PDE1C: variants seen among roughly 807,000 people sequenced by gnomAD.
PDE1C encodes the protein dual specificity calcium/calmodulin-dependent 3',5'-cyclic nucleotide phosphodiesterase 1C.
A neutral mutation model predicts 93.1 loss-of-function variants in PDE1C; 62 were observed. The observed-to-expected ratio is 0.67, with a 90% CI of 0.54 to 0.82. The LOEUF is 0.82. PDE1C is among the 40% of genes least tolerant of loss of function. The pLI is 0.00. For synonymous variants in PDE1C, 325 were observed against 310.1 expected (o/e 1.05, Z -0.50); for missense variants, 742 against 884.6 (o/e 0.84, Z 2.04).
At chr7:31,880,688 G>T in intron 3 of PDE1C, 59 bp downstream of exon 3, 1 of 978,882 alleles carries the variant, frequency 1.0e-6, no homozygotes, top group Non-Finnish European at 1.6e-6. Flanking sequence ...TTTCAGAAAA[G>T]CCATTTAAGA....
chr7:31,909,026 C>T (rs1308971709), intron 2 of PDE1C, among the ~76,000 whole-genome samples: 1 of 152,136 alleles, frequency 6.6e-6, no homozygotes, highest in Admixed American at 6.6e-5. Flanking sequence ...ATGGTCTCCC[C>T]TGCAGATTTC....
chr7:32,117,354 T>C (rs1187635396), intron 3 of PDE1C, among the ~76,000 whole-genome samples: 1 of 152,220 alleles, frequency 6.6e-6, no homozygotes, highest in East Asian at 1.9e-4. Context: ...GTTCATACGA[T>C]GATTTCACAT....
intron 3 of PDE1C, among the ~76,000 whole-genome samples, chr7:32,102,836 G>A (rs969879702): frequency 2.6e-5 from 4 of 152,150 alleles, no homozygotes; most frequent in African/African-American, 7.2e-5. Context: ...TGGGCATTTT[G>A]CACTCTGTAC....
At chr7:32,393,514 T>C (rs1467018461) in intron 1 of PDE1C, among the ~76,000 whole-genome samples, 1 of 152,206 alleles carries the variant, frequency 6.6e-6, no homozygotes, top group Non-Finnish European at 1.5e-5. Context: ...AGTTAATCTA[T>C]AAGGCTATGA....
At chr7:32,096,640 G>A (rs182894204) in intron 3 of PDE1C, among the ~76,000 whole-genome samples, 1 of 152,222 alleles carries the variant, frequency 6.6e-6, no homozygotes, top group Admixed American at 6.5e-5. Flanking sequence ...ATTAAAACAT[G>A]TCTTAAAATT....
intron 2 of PDE1C, among the ~76,000 whole-genome samples, chr7:32,015,685 C>CA (rs1207707327): frequency 6.6e-6 from 1 of 151,648 alleles, no homozygotes; most frequent in Non-Finnish European, 1.5e-5. Context: ...TTCTATACAT[C>CA]AAAAAATTCC....
chr7:31,750,667 G>C (rs2128591106), downstream of PDE1C, among the ~76,000 whole-genome samples: 1 of 152,362 alleles, frequency 6.6e-6, no homozygotes, highest in Middle Eastern at 3.4e-3. Context: ...ACAAAAGGCA[G>C]TGTCAGGATT....
intron 1 of PDE1C, among the ~76,000 whole-genome samples, chr7:32,291,369 T>C (rs182341554): frequency 6.6e-5 from 10 of 152,338 alleles, no homozygotes; most frequent in Non-Finnish European, 1.5e-4. Context: ...CTAACAAATA[T>C]AGCAGCATGA....
chr7:32,120,022 T>TATAGCTCCAGGTCACGCTTTTCC (rs1443751176), intron 3 of PDE1C, among the ~76,000 whole-genome samples: 1 of 152,192 alleles, frequency 6.6e-6, no homozygotes, highest in African/African-American at 2.4e-5. Context: ...CATCCCTCTC[T>TATAGCTCCAGGTCACGCTTTTCC]ATAGCTCCAG....
chr7:32,420,108 TATATATATATATATATACACACAC>T (rs1298555644), intron 1 of PDE1C, among the ~76,000 whole-genome samples: 2 of 22,288 alleles, frequency 9.0e-5, no homozygotes, highest in African/African-American at 2.6e-4. Flanking sequence ...TATATATATA[TATATATATATATATATACACACAC>T]ACACACACAC....
chr7:32,103,648 C>T (rs980079178), intron 3 of PDE1C, among the ~76,000 whole-genome samples: 1 of 152,196 alleles, frequency 6.6e-6, no homozygotes, highest in Non-Finnish European at 1.5e-5. Flanking sequence ...AGAGGGCTTG[C>T]TGTTAGCTTG....
chr7:31,653,351 G>A, the PDE1C span: 1 of 158,356 alleles, frequency 6.3e-6, no homozygotes, highest in Non-Finnish European at 1.4e-5. Context: ...AAGGGGTAGA[G>A]GAACTGTCAC....
rs1801739189 is a variant in PDE1C, at chr7:32,158,860, C to CTT, written c.308+10924_308+10925insAA. Among the ~76,000 whole-genome samples, 4 of 152,206 alleles carry CTT rather than the reference C, an allele frequency of 2.6e-5. No homozygotes were observed. In the South Asian group the frequency reaches 8.3e-4, roughly 31 times the overall value. On this transcript the variant is annotated intron_variant, in intron 3 of 18. Transcript: ENST00000396193. ...ACTCTTTCTCATGGCAAACAAGGCCCTACATTACATAGTCCCAGGCTTACC... is the reference window on the plus strand; with the variant it reads ...ACTCTTTCTCATGGCAAACAAGGCCCTTTACATTACATAGTCCCAGGCTTACC...
At chr7:32,366,876 A>AAAAAG (rs1784238941) in intron 1 of PDE1C, among the ~76,000 whole-genome samples, 2 of 151,362 alleles carry the variant, frequency 1.3e-5, no homozygotes, top group South Asian at 4.2e-4. Context: ...TACAAAAAAA[A>AAAAAG]AAATTAGCCA....
the PDE1C span, among the ~76,000 whole-genome samples, chr7:31,635,291 G>A: frequency 6.6e-6 from 1 of 152,150 alleles, no homozygotes; most frequent in Non-Finnish European, 1.5e-5. Flanking sequence ...TAAAGAGAAA[G>A]GATTTTTAGC....
At chr7:32,345,170 T>C (rs1180003330) in intron 1 of PDE1C, among the ~76,000 whole-genome samples, 1 of 152,122 alleles carries the variant, frequency 6.6e-6, no homozygotes, top group Admixed American at 6.6e-5. Context: ...GTGATGTCTT[T>C]CCCTCTCAAG....
At chr7:32,191,813 G>A (rs1359164631) in intron 2 of PDE1C, among the ~76,000 whole-genome samples, 2 of 152,172 alleles carry the variant, frequency 1.3e-5, no homozygotes, top group Non-Finnish European at 2.9e-5. Flanking sequence ...CAGAATGGCT[G>A]TATCACCAAC....
chr7:31,903,696 A>G (rs572831082), intron 2 of PDE1C, among the ~76,000 whole-genome samples: 2 of 152,216 alleles, frequency 1.3e-5, no homozygotes, highest in Non-Finnish European at 1.5e-5. Flanking sequence ...CAAAGTGAGG[A>G]GCCCAAAATG....
chr7:31,682,737 G>A, the PDE1C span, among the ~76,000 whole-genome samples: 1 of 152,142 alleles, frequency 6.6e-6, no homozygotes, highest in East Asian at 1.9e-4. Context: ...TCTTTCAGCA[G>A]ATGAATGGGT....
Sources: allele counts gnomAD v4.1 joint callset (sites outside exome capture counted in the v4.1 genomes callset), GRCh38; gene constraint gnomAD v4.1.1; transcripts MANE v1.5; gene names NCBI Gene and HGNC (gene_info 2026-07-23, HGNC 2026-07-21).